VPS8: variants seen among roughly 807,000 people sequenced by gnomAD.
VPS8 encodes VPS8 subunit of CORVET complex, also known as vacuolar protein sorting-associated protein 8 homolog.
In VPS8, 129 loss-of-function variants were observed where a neutral mutation model predicts 216.4. That is an observed-to-expected ratio of 0.60 (90% confidence interval 0.52 to 0.69). The LOEUF (loss-of-function observed/expected upper bound fraction) is 0.69, where lower values mean the gene tolerates loss of function less well. VPS8 is among the 30% of genes least tolerant of loss of function. VPS8 has a pLI of 0.00. For synonymous variants in VPS8, 571 were observed against 565.4 expected, an observed-to-expected ratio of 1.01 and a Z score of -0.14; for missense variants, 1,531 against 1,683.5, an observed-to-expected ratio of 0.91 and a Z score of 1.59.
intron 45 of VPS8, among the ~76,000 whole-genome samples, chr3:185,017,138 A>G (rs891546373): frequency 6.6e-6 from 1 of 152,096 alleles, no homozygotes; most frequent in African/African-American, 2.4e-5. Context: ...ATAAACTTAT[A>G]GGTACAGAAG....
rs1024044364 is a variant in VPS8 at position 184,900,928 on chromosome 3, T to G, written c.2102T>G (p.Phe701Cys). The change falls in exon 25 of 48, where the codon TTC becomes TGC. Residue 701 changes from phenylalanine (F) to cysteine (C), a missense_variant. Coordinates refer to ENST00000625842, the MANE Select transcript of VPS8 (RefSeq NM_001009921.3). ...CTATTAATTTTAATGCAGAAACTTTTCAGAGTCATTGCTCCTCCTCTGAAT... is the reference window on the plus strand; with the variant it reads ...CTATTAATTTTAATGCAGAAACTTTGCAGAGTCATTGCTCCTCCTCTGAAT... ...NEFISPMEKLFRVIAPPLNAG... is the reference protein window; with the variant it reads ...NEFISPMEKLCRVIAPPLNAG... 1.2e-6 allele frequency: 2 copies of G among 1,604,614 alleles called. No individual in the cohort carries two copies. Among genetic ancestry groups the G allele is most frequent in the Non-Finnish European group, 1.7e-6 (2 of 1,177,816 alleles).
intron 16 of VPS8, among the ~76,000 whole-genome samples, chr3:184,864,350 A>C (rs1472586973): frequency 3.9e-5 from 6 of 152,174 alleles, no homozygotes; most frequent in African/African-American, 1.4e-4. Context: ...ATGATTTGAG[A>C]AGACAGAGCC....
At chr3:184,821,429 C>T (rs1205987878) in intron 1 of VPS8, among the ~76,000 whole-genome samples, 2 of 151,940 alleles carry the variant, frequency 1.3e-5, no homozygotes, top group Admixed American at 6.5e-5. Flanking sequence ...TTGCATCCTC[C>T]GCCTCCCGGG....
At chr3:185,009,761 C>T (rs763592782) in intron 45 of VPS8, among the ~76,000 whole-genome samples, 14 of 152,034 alleles carry the variant, frequency 9.2e-5, no homozygotes, top group Non-Finnish European at 1.6e-4. Flanking sequence ...AAAGTTTTCA[C>T]GGCATGACTC....
chr3:184,926,358 CAG>C (rs1444249773), intron 30 of VPS8, among the ~76,000 whole-genome samples: 1 of 148,696 alleles, frequency 6.7e-6, no homozygotes, highest in African/African-American at 2.6e-5. Flanking sequence ...GCCTGGGCGA[CAG>C]AGTGAGACTC....
chr3:184,999,594 C>T, intron 44 of VPS8, 102 bp from the exon 45 acceptor site: 1 of 1,372,628 alleles, frequency 7.3e-7, no homozygotes, highest in Non-Finnish European at 9.7e-7. Flanking sequence ...CAGTGCATTT[C>T]TACTTGTTAG....
chr3:184,917,055 G>A (rs959593164), intron 28 of VPS8, among the ~76,000 whole-genome samples: 1 of 152,156 alleles, frequency 6.6e-6, no homozygotes, highest in African/African-American at 2.4e-5. Flanking sequence ...ATAGCACAGT[G>A]TAATATATGC....
chr3:184,845,710 G>A (rs1465080451), intron 8 of VPS8, among the ~76,000 whole-genome samples: 1 of 148,716 alleles, frequency 6.7e-6, no homozygotes, highest in African/African-American at 2.5e-5. Context: ...AGCCCAGATC[G>A]TGCCATTGCA....
chr3:184,962,888 AAAG>A (rs1183743973), intron 37 of VPS8, among the ~76,000 whole-genome samples: 3 of 152,084 alleles, frequency 2.0e-5, no homozygotes, highest in Non-Finnish European at 2.9e-5. Flanking sequence ...AAGCTGATCA[AAAG>A]AAGGATTTTT....
chr3:184,973,864 A>G (rs1748833623), intron 40 of VPS8, among the ~76,000 whole-genome samples: 1 of 152,048 alleles, frequency 6.6e-6, no homozygotes, highest in Non-Finnish European at 1.5e-5. Flanking sequence ...TGTTGCTGCA[A>G]GTGTCAGGAT....
At chr3:184,953,064 G>A (rs1576963053) in intron 36 of VPS8, among the ~76,000 whole-genome samples, 1 of 152,318 alleles carries the variant, frequency 6.6e-6, no homozygotes, top group East Asian at 1.9e-4. Flanking sequence ...TGTCATGGCT[G>A]GGAACTCAAT....
intron 21 of VPS8, among the ~76,000 whole-genome samples, chr3:184,885,704 C>T (rs1731086752): frequency 6.6e-6 from 1 of 152,078 alleles, no homozygotes; most frequent in Admixed American, 6.6e-5. Context: ...ATATTGTAAA[C>T]TCTTGATAAG....
At chr3:184,902,829 CAAA>C (rs200582217) in intron 25 of VPS8, among the ~76,000 whole-genome samples, 14 of 107,758 alleles carry the variant, frequency 1.3e-4, no homozygotes, top group Admixed American at 3.1e-4. Context: ...GATGCTGTCT[CAAA>C]AAAAAAAAAA....
chr3:184,863,070 A>T lies in VPS8; in HGVS notation c.1395+3A>T. On this transcript the variant is annotated splice_donor_region_variant and intron_variant, in intron 16 of 47. Transcript: ENST00000625842. ...GAGGAAATGTTAGCCAGGCACTGGT[A>T]AGGATAATCACTTATCTTGCTATCC... 3.7e-6 allele frequency: 6 copies of T among 1,613,440 alleles called. No individual in the cohort carries two copies. Among genetic ancestry groups the T allele is most frequent in the Non-Finnish European group, 5.1e-6 (6 of 1,179,570 alleles).
Position 184,853,973 on chromosome 3 carries a change from C to CA in VPS8, c.939dup (p.Gln314ThrfsTer73), listed in dbSNP as rs750970428. 1 of 1,613,688 alleles carries CA rather than the reference C, an allele frequency of 6.2e-7. No individual in the cohort carries two copies. Among genetic ancestry groups the CA allele is most frequent in the East Asian group, 2.2e-5 (1 of 44,862 alleles). The stretch of plus-strand genomic sequence containing the variant: ...CCTGAGTTGAAAGATCATCCCATCA[C>CA]ACAGTTTTCATTATTGGCCATGGCA... On this transcript the variant is annotated frameshift_variant, in exon 12 of 48. Coordinates refer to ENST00000625842, the MANE Select transcript of VPS8 (RefSeq NM_001009921.3). LOFTEE classifies it high-confidence loss of function.
At chr3:184,895,974 A>T (rs1215215171) in intron 23 of VPS8, among the ~76,000 whole-genome samples, 1 of 151,942 alleles carries the variant, frequency 6.6e-6, no homozygotes, top group African/African-American at 2.4e-5. Context: ...CCTAATAATG[A>T]GCATGTTACT....
chr3:184,892,125 T>C (rs1024988278), intron 22 of VPS8, among the ~76,000 whole-genome samples: 1 of 152,164 alleles, frequency 6.6e-6, no homozygotes, highest in Non-Finnish European at 1.5e-5. Flanking sequence ...AACATCAATT[T>C]TGAAGTCAGC....
intron 40 of VPS8, among the ~76,000 whole-genome samples, chr3:184,975,051 G>A (rs1238435952): frequency 4.6e-5 from 7 of 151,980 alleles, no homozygotes. Flanking sequence ...ATTTTTTGTA[G>A]TTCCATATGA....
At chr3:184,980,778 A>G (rs4611797) in intron 40 of VPS8, among the ~76,000 whole-genome samples, 137,332 of 152,172 alleles carry the variant, frequency 0.9, 62,961 homozygotes, top group Non-Finnish European at 0.98. Context: ...CAGAATCTCA[A>G]ACATCTTCAT....
Sources: allele counts gnomAD v4.1 joint callset (sites outside exome capture counted in the v4.1 genomes callset), GRCh38; gene constraint gnomAD v4.1.1; transcripts MANE v1.5; gene names NCBI Gene and HGNC (gene_info 2026-07-23, HGNC 2026-07-21).